CAMK1D: variants seen among roughly 807,000 people sequenced by gnomAD.
The protein encoded by CAMK1D is calcium/calmodulin dependent protein kinase ID, also known as calcium/calmodulin-dependent protein kinase type 1D.
In CAMK1D, 9 loss-of-function variants were observed where a neutral mutation model predicts 47.7. The ratio of observed to expected loss-of-function variants is 0.19; its 90% CI spans 0.11 to 0.33. The LOEUF (loss-of-function observed/expected upper bound fraction) is 0.33, where lower values mean the gene tolerates loss of function less well. Ranked by LOEUF, CAMK1D falls within the 10% of genes least tolerant of loss-of-function variation. The pLI, the probability that CAMK1D is intolerant of heterozygous loss-of-function variation, is 1.00. For missense variants in CAMK1D, 291 were observed against 488.7 expected (o/e 0.60, Z 3.81); for synonymous variants, 184 against 184.9 (o/e 0.99, Z 0.04).
chr10:12,658,361 A>G (rs1040107621), intron 2 of CAMK1D, among the ~76,000 whole-genome samples: 1 of 151,864 alleles, frequency 6.6e-6, no homozygotes, highest in African/African-American at 2.4e-5. Flanking sequence ...GGGGTTCAGT[A>G]AAATGTTGGT....
At chr10:12,694,184 A>T (rs12780732) in intron 3 of CAMK1D, among the ~76,000 whole-genome samples, 13,659 of 17,224 alleles carry the variant, frequency 0.79, 5,853 homozygotes, top group Middle Eastern at 1. Flanking sequence ...TATTATATAT[A>T]ATATAATATA....
chr10:12,388,790 G>T (rs897599803), intron 1 of CAMK1D, among the ~76,000 whole-genome samples: 1 of 152,164 alleles, frequency 6.6e-6, no homozygotes, highest in African/African-American at 2.4e-5. Context: ...AGGTTTGTCT[G>T]CTGTGAAGGG....
At chr10:12,595,342 G>GAAAACAAAAAAAAA (rs1838113498) in intron 2 of CAMK1D, among the ~76,000 whole-genome samples, 1 of 23,554 alleles carries the variant, frequency 4.2e-5, no homozygotes, top group Non-Finnish European at 7.0e-5. Flanking sequence ...AACTCCATCT[G>GAAAACAAAAAAAAA]AAAAAAAAAA....
chr10:12,381,247 C>T (rs1838334653), intron 1 of CAMK1D, among the ~76,000 whole-genome samples: 1 of 152,086 alleles, frequency 6.6e-6, no homozygotes, highest in African/African-American at 2.4e-5. Flanking sequence ...GTGGTCACAG[C>T]TTGACTTGGG....
intron 1 of CAMK1D, among the ~76,000 whole-genome samples, chr10:12,420,111 C>T (rs1839999022): frequency 6.6e-6 from 1 of 152,134 alleles, no homozygotes; most frequent in Non-Finnish European, 1.5e-5. Flanking sequence ...AGGTGCCTGT[C>T]ACCACGCCCA....
intron 2 of CAMK1D, among the ~76,000 whole-genome samples, chr10:12,595,389 T>G (rs562538605): frequency 1.4e-5 from 2 of 145,192 alleles, no homozygotes; most frequent in African/African-American, 5.2e-5. Context: ...GAGATTCTTC[T>G]TTTGCTAAAG....
intron 2 of CAMK1D, among the ~76,000 whole-genome samples, chr10:12,565,911 A>T (rs1295294594): frequency 6.6e-6 from 1 of 151,914 alleles, no homozygotes; most frequent in Non-Finnish European, 1.5e-5. Context: ...TCTAGGTAGG[A>T]GGTGTTCACT....
chr10:12,549,377 G>T (rs1836505884), intron 1 of CAMK1D, among the ~76,000 whole-genome samples: 1 of 152,204 alleles, frequency 6.6e-6, no homozygotes, highest in South Asian at 2.1e-4. Context: ...CCATGTTCCA[G>T]CATGGGTCAG....
intron 8 of CAMK1D, among the ~76,000 whole-genome samples, chr10:12,818,051 A>G (rs1196333347): frequency 6.6e-6 from 1 of 152,154 alleles, no homozygotes; most frequent in Non-Finnish European, 1.5e-5. Context: ...GAGTCGTAAA[A>G]TACCAAAGAT....
intron 1 of CAMK1D, among the ~76,000 whole-genome samples, chr10:12,448,874 G>C (rs966919532): frequency 6.6e-6 from 1 of 152,148 alleles, no homozygotes; most frequent in Admixed American, 6.5e-5. Context: ...GCTGACTGTC[G>C]TGTAGGGCTC....
intron 1 of CAMK1D, among the ~76,000 whole-genome samples, chr10:12,353,741 CTGAATAAGGTGG>C (rs1837416899): frequency 6.6e-6 from 1 of 152,158 alleles, no homozygotes; most frequent in Non-Finnish European, 1.5e-5. Context: ...AACCATATCT[CTGAATAAGGTGG>C]TGAGACTTAA....
At chr10:12,672,734 G>A (rs1386443749) in intron 3 of CAMK1D, among the ~76,000 whole-genome samples, 1 of 151,998 alleles carries the variant, frequency 6.6e-6, no homozygotes. Context: ...ATAGTATGAA[G>A]TAATGACAAT....
At chr10:12,794,866 C>T (rs1030322189) in intron 6 of CAMK1D, among the ~76,000 whole-genome samples, 35 of 152,158 alleles carry the variant, frequency 2.3e-4, no homozygotes, top group African/African-American at 8.2e-4. Flanking sequence ...ACTTGGAGTA[C>T]CACCAGCCTC....
intron 1 of CAMK1D, among the ~76,000 whole-genome samples, chr10:12,518,530 C>T (rs1398861107): frequency 3.0e-5 from 1 of 32,818 alleles, no homozygotes; most frequent in African/African-American, 1.1e-4. Flanking sequence ...GGGTGTTTCT[C>T]GCAGAGGGGG....
intron 1 of CAMK1D, among the ~76,000 whole-genome samples, chr10:12,494,772 T>C (rs1834487968): frequency 6.6e-6 from 1 of 152,206 alleles, no homozygotes; most frequent in Admixed American, 6.5e-5. Flanking sequence ...TTTTTCCATG[T>C]TGGCCAGGCC....
chr10:12,378,923 T>A (rs1027599230), intron 1 of CAMK1D, among the ~76,000 whole-genome samples: 6 of 151,616 alleles, frequency 4.0e-5, no homozygotes, highest in Non-Finnish European at 7.4e-5. Context: ...GATTCTCCTG[T>A]CTCAGCCTCC....
At position 12,827,448 on chromosome 10, in the gene CAMK1D, TTTCTTTTCTTTCTTTGTCTGTCTG is replaced by T. The variant is rs1210684759; in HGVS notation, c.1040-1319_1040-1296del. On this transcript the variant is annotated intron_variant, in intron 10 of 10. Transcript: ENST00000619168. ...CCTTCCTTCCTTCCTTCTTTCTTTC[TTTCTTTTCTTTCTTTGTCTGTCTG>T]TCTTTCTTTCTTTCTTTCTTTCTTT... 1.5e-3 allele frequency among the ~76,000 whole-genome samples: 185 copies of T among 123,230 alleles called. 48 individuals carry two copies. The highest frequency in any genetic ancestry group is 3.6e-3 in the Middle Eastern group (1 of 276). The allele number at this position is 123,230 out of a possible 152,430, so 80.8% of individuals were successfully genotyped here. A position where few individuals can be genotyped will look rare whatever the true frequency, so the allele number is the denominator to read the frequency against.
At chr10:12,797,300 G>A (rs1469287826) in intron 6 of CAMK1D, among the ~76,000 whole-genome samples, 2 of 151,306 alleles carry the variant, frequency 1.3e-5, no homozygotes, top group African/African-American at 2.4e-5. Flanking sequence ...CTGGGCTCAA[G>A]TCATCTTCCC....
chr10:12,732,718 A>G (rs1279965522), intron 3 of CAMK1D, among the ~76,000 whole-genome samples: 1 of 140,376 alleles, frequency 7.1e-6, no homozygotes, highest in Non-Finnish European at 1.5e-5. Context: ...ATTCTGGGAA[A>G]TACAATTCAA....
Sources: allele counts gnomAD v4.1 joint callset (sites outside exome capture counted in the v4.1 genomes callset), GRCh38; gene constraint gnomAD v4.1.1; transcripts MANE v1.5; gene names NCBI Gene and HGNC (gene_info 2026-07-23, HGNC 2026-07-21).